The following FRMD4A variants were observed in gnomAD, a reference collection of about 807,000 sequenced individuals.
The protein encoded by FRMD4A is FERM domain containing 4A.
Under a neutral mutation model 129.1 loss-of-function variants are expected in FRMD4A, and 29 were observed. The ratio of observed to expected loss-of-function variants is 0.22; its 90% confidence interval spans 0.17 to 0.31. FRMD4A has a LOEUF of 0.31. Among genes scored for constraint, FRMD4A ranks in the 10% least tolerant of loss-of-function variants. FRMD4A has a pLI of 1.00. For synonymous variants in FRMD4A, 634 were observed against 571.6 expected, an observed-to-expected ratio of 1.11 and a Z score of -1.56; for missense variants, 1,272 against 1,375.8, an observed-to-expected ratio of 0.92 and a Z score of 1.19.
rs1564433891 is a variant in FRMD4A at position 14,275,953 on chromosome 10, C to A, written c.45+54105G>T. Among the ~76,000 whole-genome samples the A allele has an allele frequency of 2.0e-5, 3 of 152,180 alleles. 1 individual carries two copies. The highest frequency in any genetic ancestry group is 2.0e-4 in the Admixed American group (3 of 15,280). On this transcript the variant is annotated intron_variant, in intron 2 of 24. Transcript: ENST00000357447. ...ACTCAGGAGGCTGAGGTGGGAGGAT[C>A]ACTTGAGTCTGGAGGTGGAGGCTTC...
chr10:13,676,421 C>T (rs2083998578), intron 15 of FRMD4A, among the ~76,000 whole-genome samples: 1 of 139,260 alleles, frequency 7.2e-6, no homozygotes, highest in Non-Finnish European at 1.5e-5. Context: ...CGCCACCACA[C>T]CCAGCTATTT....
At chr10:13,758,750 A>AT (rs1427662136) in intron 8 of FRMD4A, among the ~76,000 whole-genome samples, 20 of 152,040 alleles carry the variant, frequency 1.3e-4, no homozygotes, top group Non-Finnish European at 1.9e-4. Flanking sequence ...CCATGTGCCT[A>AT]TTTTTTCCTG....
intron 2 of FRMD4A, among the ~76,000 whole-genome samples, chr10:14,200,916 T>G (rs1056850744): frequency 2.6e-5 from 4 of 152,200 alleles, no homozygotes; most frequent in Non-Finnish European, 5.9e-5. Flanking sequence ...TCAGTCCCCA[T>G]GAAGCCATTC....
chr10:13,986,580 T>C (rs914825518), intron 2 of FRMD4A, among the ~76,000 whole-genome samples: 25 of 146,612 alleles, frequency 1.7e-4, no homozygotes, highest in African/African-American at 6.3e-4. Context: ...CACACCAGCA[T>C]GGCACATGTA....
chr10:14,217,049 C>T (rs1843096951), intron 2 of FRMD4A, among the ~76,000 whole-genome samples: 1 of 152,182 alleles, frequency 6.6e-6, no homozygotes, highest in Non-Finnish European at 1.5e-5. Context: ...GGGGCATGGC[C>T]TCCATGGGAC....
At chr10:13,923,711 G>T (rs180967634) in intron 2 of FRMD4A, among the ~76,000 whole-genome samples, 1 of 152,120 alleles carries the variant, frequency 6.6e-6, no homozygotes, top group Non-Finnish European at 1.5e-5. Context: ...GGTAGGCCAC[G>T]TTTATCTTAT....
At chr10:14,092,634 G>T (rs182274741) in intron 2 of FRMD4A, among the ~76,000 whole-genome samples, 1 of 152,358 alleles carries the variant, frequency 6.6e-6, no homozygotes, top group East Asian at 1.9e-4. Context: ...GGAGTTTGCA[G>T]GGGTGATCCT....
intron 13 of FRMD4A, among the ~76,000 whole-genome samples, chr10:13,705,284 C>A (rs1455793111): frequency 6.6e-6 from 1 of 152,172 alleles, no homozygotes; most frequent in African/African-American, 2.4e-5. Flanking sequence ...TTTCCTATAT[C>A]CCTGGGCTTT....
At chr10:14,030,163 G>C (rs1250956648) in intron 2 of FRMD4A, among the ~76,000 whole-genome samples, 3 of 152,204 alleles carry the variant, frequency 2.0e-5, no homozygotes, top group Non-Finnish European at 4.4e-5. Context: ...GGAGGAATAA[G>C]TTCTGGGCAC....
chr10:14,074,962 A>G (rs776863962), intron 2 of FRMD4A: 14 of 152,220 alleles, frequency 9.2e-5, no homozygotes, highest in Admixed American at 1.3e-4. Flanking sequence ...GCAGGTAGGG[A>G]GAAGAGATTA....
At chr10:14,010,757 G>A (rs1026227724) in intron 2 of FRMD4A, among the ~76,000 whole-genome samples, 4 of 138,518 alleles carry the variant, frequency 2.9e-5, no homozygotes, top group African/African-American at 1.1e-4. Flanking sequence ...CAATCTCCTC[G>A]CTTCGGCCCC....
chr10:14,158,837 AGAG>A (rs71388159), intron 2 of FRMD4A, among the ~76,000 whole-genome samples: 52,050 of 136,682 alleles, frequency 0.38, 9,782 homozygotes, highest in Admixed American at 0.49. Context: ...AGGAGGAGAA[AGAG>A]GAGGAGGAGG....
chr10:13,959,564 A>C (rs1010894443), intron 2 of FRMD4A, among the ~76,000 whole-genome samples: 5 of 148,512 alleles, frequency 3.4e-5, no homozygotes, highest in African/African-American at 1.2e-4. Flanking sequence ...TTCTTCAAAG[A>C]CCTTTTAGAG....
rs41291333 is a variant in FRMD4A, at chr10:13,693,887, C to G, written c.1117+11G>C. The G allele has an allele frequency of 1.2e-6, 2 of 1,607,662 alleles. No homozygotes were observed. The highest frequency in any genetic ancestry group is 3.4e-5 in the Admixed American group (2 of 58,420). Reference sequence around the variant, plus strand: ...GCTCAGGGGGCGTCCCTCCAGCTGGCCTCTGCCTACCTGAAGACAGCAGGC... The same window carrying G: ...GCTCAGGGGGCGTCCCTCCAGCTGGGCTCTGCCTACCTGAAGACAGCAGGC... On this transcript the variant is annotated intron_variant, in intron 15 of 24. Coordinates refer to ENST00000357447, the MANE Select transcript of FRMD4A (RefSeq NM_018027.5).
chr10:14,226,850 T>G (rs1266978574), intron 2 of FRMD4A, among the ~76,000 whole-genome samples: 3 of 151,932 alleles, frequency 2.0e-5, no homozygotes. Context: ...TCCGCTTTAC[T>G]GCCCTCCTGC....
rs1344632416 is a variant in FRMD4A at position 13,740,827 on chromosome 10, G to GT, written c.549-251dup. Among the ~76,000 whole-genome samples the GT allele has an allele frequency of 2.6e-4, 36 of 136,604 alleles. 2 individuals are homozygous for GT. Among genetic ancestry groups the GT allele is most frequent in the African/African-American group, 9.3e-4 (33 of 35,610 alleles). The allele number at this position is 136,604 out of a possible 152,430, so 89.6% of individuals were successfully genotyped here. A position where few individuals can be genotyped will look rare whatever the true frequency, so the allele number is the denominator to read the frequency against. On this transcript the variant is annotated intron_variant, in intron 9 of 24. Coordinates refer to ENST00000357447, the MANE Select transcript of FRMD4A (RefSeq NM_018027.5). ...TGCATTCTCTTTGTCTTGGATGTTT[G>GT]TTTTTTTTTTTTTTTTTGAGACGGA...
At chr10:14,222,905 T>C (rs973272647) in intron 2 of FRMD4A, among the ~76,000 whole-genome samples, 19 of 152,120 alleles carry the variant, frequency 1.2e-4, no homozygotes, top group African/African-American at 3.9e-4. Flanking sequence ...CTAGCCAACA[T>C]GGTGAAACCC....
At chr10:14,273,155 G>A (rs950252900) in intron 2 of FRMD4A, among the ~76,000 whole-genome samples, 2 of 152,052 alleles carry the variant, frequency 1.3e-5, no homozygotes, top group African/African-American at 4.8e-5. Flanking sequence ...TACTCAGGAA[G>A]CTAAGGTGGG....
chr10:13,775,772 G>A (rs113197267), intron 6 of FRMD4A, among the ~76,000 whole-genome samples: 9 of 152,272 alleles, frequency 5.9e-5, no homozygotes, highest in African/African-American at 1.9e-4. Flanking sequence ...AGTAGCAGCT[G>A]CCACAGCAAC....
Sources: allele counts gnomAD v4.1 joint callset (sites outside exome capture counted in the v4.1 genomes callset), GRCh38; gene constraint gnomAD v4.1.1; transcripts MANE v1.5; gene names NCBI Gene and HGNC (gene_info 2026-07-23, HGNC 2026-07-21).